RGS7BP: variants seen among roughly 807,000 people sequenced by gnomAD.
RGS7BP encodes the protein regulator of G protein signaling 7 binding protein, also known as regulator of G protein signaling 7-binding protein.
RGS7BP carries 9 observed loss-of-function variants against 31.3 expected under a neutral mutation model. That is an observed-to-expected ratio of 0.29 (90% CI 0.17 to 0.50). The LOEUF (loss-of-function observed/expected upper bound fraction) is 0.50, where lower values mean the gene tolerates loss of function less well. Among genes scored for constraint, RGS7BP ranks in the 20% least tolerant of loss-of-function variants. The pLI is 0.98. For missense variants in RGS7BP, 274 were observed against 322.0 expected (o/e 0.85, Z 1.14); for synonymous variants, 115 against 120.1 (o/e 0.96, Z 0.28).
intron 2 of RGS7BP, among the ~76,000 whole-genome samples, chr5:64,520,860 AG>A: frequency 6.6e-6 from 1 of 152,208 alleles, no homozygotes; most frequent in East Asian, 1.9e-4. Flanking sequence ...CTGGGGTGAC[AG>A]GGACACTCCT....
Position 64,609,171 on chromosome 5 carries a change from C to G in RGS7BP, c.693C>G (p.Ser231Arg), listed in dbSNP as rs751049692. The G allele has an allele frequency of 6.2e-7, 1 of 1,606,768 alleles. No individual in the cohort carries two copies. Among genetic ancestry groups the G allele is most frequent in the East Asian group, 2.2e-5 (1 of 44,788 alleles). The change falls in exon 6 of 6, where the codon AGC becomes AGG. Residue 231 changes from serine (S) to arginine (R), a missense_variant. By Grantham distance (110) the Ser-to-Arg change is moderately radical (BLOSUM62 -1). This residue lies in a region of RGS7BP where 112 missense variants were observed against 130.9 expected (regional missense o/e 0.86). Coordinates refer to ENST00000334025, the MANE Select transcript of RGS7BP (RefSeq NM_001029875.3). ...PLPLKNQDDSSLLNLTPYPLV... is the reference protein window; with the variant it reads ...PLPLKNQDDSRLLNLTPYPLV... ...TATGTCCCATCACAGATGACAGCAG[C>G]CTTCTGAATCTAACTCCCTACCCCC...
chr5:64,536,624 T>G (rs1006254629), intron 2 of RGS7BP, among the ~76,000 whole-genome samples: 1 of 152,252 alleles, frequency 6.6e-6, no homozygotes, highest in African/African-American at 2.4e-5. Context: ...TTCTTTTAAC[T>G]GACCTTCACT....
intron 2 of RGS7BP, among the ~76,000 whole-genome samples, chr5:64,567,090 T>A (rs1742189071): frequency 6.6e-6 from 1 of 152,140 alleles, no homozygotes; most frequent in South Asian, 2.1e-4. Context: ...AGATTTGAGA[T>A]GCTAATGAGA....
chr5:64,582,441 T>C (rs1406876626), intron 3 of RGS7BP, among the ~76,000 whole-genome samples: 1 of 152,204 alleles, frequency 6.6e-6, no homozygotes, highest in Admixed American at 6.5e-5. Context: ...GCCCTTTCTA[T>C]TTTTGTTCTC....
chr5:64,528,480 A>C (rs999620159), intron 2 of RGS7BP, among the ~76,000 whole-genome samples: 15 of 152,164 alleles, frequency 9.9e-5, no homozygotes, highest in African/African-American at 3.6e-4. Flanking sequence ...GTGACTTCAG[A>C]GAATTATCCC....
intron 3 of RGS7BP, 24 bp from the exon 4 acceptor site, chr5:64,594,686 T>C (rs1743014650): frequency 1.2e-6 from 2 of 1,613,072 alleles, no homozygotes; most frequent in Admixed American, 1.7e-5. Flanking sequence ...CCTCTTCTCT[T>C]TACCAACACC....
chr5:64,538,499 T>C (rs1300957625), intron 2 of RGS7BP, among the ~76,000 whole-genome samples: 16 of 142,858 alleles, frequency 1.1e-4, no homozygotes, highest in African/African-American at 3.9e-4. Context: ...TTTTTCCTTT[T>C]CTTTTCTTTT....
chr5:64,566,746 G>A (rs568613506), intron 2 of RGS7BP, among the ~76,000 whole-genome samples: 2 of 152,108 alleles, frequency 1.3e-5, no homozygotes, highest in South Asian at 4.2e-4. Flanking sequence ...CAGTGGGAAT[G>A]CTGGGGTTTA....
At chr5:64,594,646 A>G (rs1743013738) in intron 3 of RGS7BP, 64 bp from the exon 4 acceptor site, 1 of 1,537,486 alleles carries the variant, frequency 6.5e-7, no homozygotes, top group African/African-American at 1.4e-5. Flanking sequence ...GACATCCTGC[A>G]TATAGAACCT....
At chr5:64,508,814 C>T (rs1748760438) in intron 2 of RGS7BP, among the ~76,000 whole-genome samples, 1 of 152,144 alleles carries the variant, frequency 6.6e-6, no homozygotes. Context: ...AAGCTGATCA[C>T]TTGTAGGAAG....
At position 64,581,764 on chromosome 5, in the gene RGS7BP, T is replaced by C. The variant is rs539860118; in HGVS notation, c.463+5860T>C. Reference sequence around the variant, plus strand: ...ATTTTCATGTTTATTTCATGCACCATGCTTCTGAATTTTTGCTGTCTCATA... The same window carrying C: ...ATTTTCATGTTTATTTCATGCACCACGCTTCTGAATTTTTGCTGTCTCATA... On this transcript the variant is annotated intron_variant, in intron 3 of 5. Coordinates refer to ENST00000334025, the MANE Select transcript of RGS7BP (RefSeq NM_001029875.3). 8.0e-4 allele frequency among the ~76,000 whole-genome samples: 122 copies of C among 152,364 alleles called. 1 individual carries two copies. Among genetic ancestry groups the C allele is most frequent in the African/African-American group, 2.9e-3 (120 of 41,592 alleles).
intron 2 of RGS7BP, among the ~76,000 whole-genome samples, chr5:64,538,792 G>A (rs1741452062): frequency 6.6e-6 from 1 of 151,832 alleles, no homozygotes; most frequent in Non-Finnish European, 1.5e-5. Flanking sequence ...CTGACCTCAA[G>A]TGATCCACCC....
intron 2 of RGS7BP, among the ~76,000 whole-genome samples, chr5:64,562,906 T>C (rs552092890): frequency 6.6e-6 from 1 of 152,256 alleles, no homozygotes; most frequent in South Asian, 2.1e-4. Flanking sequence ...GAAAGCCAGA[T>C]AATGAGTAAA....
At chr5:64,507,904 T>A (rs1474502535) in intron 2 of RGS7BP, 27 bp downstream of exon 2, 1 of 1,589,724 alleles carries the variant, frequency 6.3e-7, no homozygotes, top group Non-Finnish European at 8.6e-7. Flanking sequence ...TATTTGGTAA[T>A]CCATATACAT....
intron 2 of RGS7BP, among the ~76,000 whole-genome samples, chr5:64,524,238 G>A (rs1416447682): frequency 6.6e-6 from 1 of 152,168 alleles, no homozygotes; most frequent in African/African-American, 2.4e-5. Context: ...GCTTACAAGT[G>A]CGGAAACTAT....
At chr5:64,521,572 A>G (rs963359387) in intron 2 of RGS7BP, among the ~76,000 whole-genome samples, 1 of 152,168 alleles carries the variant, frequency 6.6e-6, no homozygotes, top group Non-Finnish European at 1.5e-5. Context: ...TGTCTTTTAC[A>G]TATTGTCAGT....
chr5:64,550,173 T>A (rs1263050086), intron 2 of RGS7BP, among the ~76,000 whole-genome samples: 1 of 152,180 alleles, frequency 6.6e-6, no homozygotes, highest in Non-Finnish European at 1.5e-5. Flanking sequence ...TAGGTATTTG[T>A]TATAGCAGTC....
rs1439498651 is a variant in RGS7BP, at chr5:64,611,703, A to C, written c.*2451A>C. On this transcript the variant is annotated 3_prime_UTR_variant, in exon 6 of 6. Transcript: ENST00000334025. ...CGTGGATAAACTCCAAGATCTAAAG[A>C]TCCTCTTTCAGTAGCATATACTAAA... is the stretch of plus-strand genomic sequence containing the variant. The C allele has an allele frequency of 6.6e-6, 1 of 152,382 alleles. No homozygotes were observed. The highest frequency in any genetic ancestry group is 2.4e-5 in the African/African-American group (1 of 41,508). 9.4% of individuals were successfully genotyped at this position (152,382 alleles called of 1,614,324 possible).
chr5:64,587,056 T>C (rs1742775774), intron 3 of RGS7BP, among the ~76,000 whole-genome samples: 1 of 152,146 alleles, frequency 6.6e-6, no homozygotes, highest in Admixed American at 6.6e-5. Context: ...AGTGTTGCTC[T>C]TTCCATTCTC....
Sources: gnomAD v4.1 joint callset for allele counts (sites outside exome capture counted in the v4.1 genomes callset) on GRCh38, gnomAD v4.1.1 for gene constraint, gnomAD v4.1.1 regional missense constraint, MANE v1.5 for transcripts, NCBI Gene and HGNC (gene_info 2026-07-23, HGNC 2026-07-21) for gene names.